Variants in NSUN3 observed in about 807,000 individuals in gnomAD.
The protein encoded by NSUN3 is NOP2/Sun RNA methyltransferase 3.
In NSUN3, 24 loss-of-function variants were observed where a neutral mutation model predicts 36.8. The observed-to-expected ratio is 0.65, with a 90% CI of 0.47 to 0.92. The LOEUF (loss-of-function observed/expected upper bound fraction) is 0.92. NSUN3 is among the 40% of genes least tolerant of loss of function. NSUN3 has a pLI of 0.00. For missense variants in NSUN3, 381 were observed against 392.8 expected (o/e 0.97, Z 0.25); for synonymous variants, 146 against 145.2 (o/e 1.01, Z -0.04).
chr3:94,089,767 A>C (rs1350619353), intron 3 of NSUN3, among the ~76,000 whole-genome samples: 2 of 152,212 alleles, frequency 1.3e-5, no homozygotes, highest in Non-Finnish European at 2.9e-5. Flanking sequence ...GTCTCTTCCA[A>C]GTGAACTGTC....
Position 94,064,621 on chromosome 3 carries a change from G to C in NSUN3, c.122+75G>C, listed in dbSNP as rs1291843548. 5 of 913,472 alleles carry C rather than the reference G, an allele frequency of 5.5e-6. No homozygotes were observed. In the African/African-American group the frequency reaches 8.3e-5, roughly 15 times the overall value. The allele number at this position is 913,472 out of a possible 1,614,324, so 56.6% of individuals were successfully genotyped here. ...TAGTCCTCCTTTTTGTGGGAGGGATGCTGTGAGGTTAAAAGGCAAAGGAAT... is the reference window on the plus strand; with the variant it reads ...TAGTCCTCCTTTTTGTGGGAGGGATCCTGTGAGGTTAAAAGGCAAAGGAAT... On this transcript the variant is annotated intron_variant, in intron 2 of 5. Transcript: ENST00000314622.
chr3:94,111,482 T>C (rs562028755), intron 5 of NSUN3, among the ~76,000 whole-genome samples: 2 of 152,222 alleles, frequency 1.3e-5, no homozygotes, highest in African/African-American at 2.4e-5. Flanking sequence ...CTTTTTGACA[T>C]TTCTAATACT....
chr3:94,094,737 T>A (rs563881674), intron 4 of NSUN3, among the ~76,000 whole-genome samples: 25 of 152,204 alleles, frequency 1.6e-4, no homozygotes, highest in African/African-American at 5.8e-4. Context: ...TTTGTAAAAA[T>A]TTTTGCTGTG....
Position 94,084,143 on chromosome 3 carries a change from T to C in NSUN3, c.159T>C (p.Ala53=). Residue 53 remains alanine (A), a synonymous_variant, in exon 3 of 6, where the codon GCT becomes GCC. Coordinates refer to ENST00000314622, the MANE Select transcript of NSUN3 (RefSeq NM_022072.5). ...CATCTCCATCATGCTGGCAATATGC[T>C]GTCCTGCTTAACCGATTCAATTATC... is the stretch of plus-strand genomic sequence containing the variant. The part of the protein sequence containing the change: ...ILTSPSCWQY[A]VLLNRFNYPF... 13 of 1,614,152 alleles carry C rather than the reference T, an allele frequency of 8.1e-6. No individual in the cohort carries two copies. The highest frequency in any genetic ancestry group is 1.1e-5 in the Non-Finnish European group (13 of 1,180,004).
At chr3:94,082,605 C>T (rs1376135711) in intron 2 of NSUN3, among the ~76,000 whole-genome samples, 1 of 152,184 alleles carries the variant, frequency 6.6e-6, no homozygotes, top group Non-Finnish European at 1.5e-5. Flanking sequence ...ACATAGGCAA[C>T]TCCAGGGTGT....
chr3:94,074,619 A>C (rs998039852), intron 2 of NSUN3, among the ~76,000 whole-genome samples: 1 of 152,000 alleles, frequency 6.6e-6, no homozygotes, highest in Non-Finnish European at 1.5e-5. Flanking sequence ...TGTTATTGGT[A>C]TATAGGAATG....
intron 5 of NSUN3, among the ~76,000 whole-genome samples, chr3:94,096,563 A>C (rs1372356318): frequency 6.6e-6 from 1 of 151,972 alleles, no homozygotes; most frequent in East Asian, 1.9e-4. Context: ...CAGTGGTGTG[A>C]TCCCCGCTCA....
chr3:94,094,688 T>C (rs1054825912), intron 4 of NSUN3, among the ~76,000 whole-genome samples: 2 of 152,180 alleles, frequency 1.3e-5, no homozygotes, highest in Non-Finnish European at 2.9e-5. Context: ...GTGCTGAGAA[T>C]TCAGAAATAT....
In NSUN3 at chr3:94,084,534, C is replaced by T. The variant is rs539752240; in HGVS notation, c.466+84C>T. The T allele has an allele frequency of 1.9e-4, 201 of 1,049,252 alleles. No homozygotes were observed. In the African/African-American group the frequency reaches 2.7e-3, roughly 14 times the overall value. The allele number at this position is 1,049,252 out of a possible 1,614,324, so 65.0% of individuals were successfully genotyped here. On this transcript the variant is annotated intron_variant, in intron 3 of 5. Transcript: ENST00000314622. ...TTCTGAAAGTATATATGGGGAGAAA[C>T]GTAAGACTGAGTTTGCAAACTCAGG...
At chr3:94,107,693 T>G (rs1228444207) in intron 5 of NSUN3, among the ~76,000 whole-genome samples, 1 of 152,148 alleles carries the variant, frequency 6.6e-6, no homozygotes, top group Non-Finnish European at 1.5e-5. Flanking sequence ...AGAAAGGCAG[T>G]GTAAGGGACA....
chr3:94,094,704 A>C (rs2077330213), intron 4 of NSUN3, among the ~76,000 whole-genome samples: 1 of 152,198 alleles, frequency 6.6e-6, no homozygotes, highest in African/African-American at 2.4e-5. Flanking sequence ...AATATTATTA[A>C]TGTCTGATTA....
At chr3:94,066,056 TAA>T (rs1206932203) in intron 2 of NSUN3, among the ~76,000 whole-genome samples, 2 of 143,204 alleles carry the variant, frequency 1.4e-5, no homozygotes, top group African/African-American at 2.5e-5. Context: ...GGATGTGATT[TAA>T]AAAAAAAAAA....
At chr3:94,108,140 C>T (rs568334563) in intron 5 of NSUN3, among the ~76,000 whole-genome samples, 2 of 151,780 alleles carry the variant, frequency 1.3e-5, no homozygotes, top group Non-Finnish European at 2.9e-5. Context: ...AAGAATAGTA[C>T]AAGGAGCTCC....
intron 2 of NSUN3, among the ~76,000 whole-genome samples, chr3:94,069,778 T>G (rs926095257): frequency 6.6e-6 from 1 of 152,210 alleles, no homozygotes; most frequent in African/African-American, 2.4e-5. Flanking sequence ...ACTCCAATTT[T>G]ATTCATTTAC....
intron 3 of NSUN3, among the ~76,000 whole-genome samples, chr3:94,089,352 C>G (rs1166986883): frequency 6.6e-6 from 1 of 152,066 alleles, no homozygotes; most frequent in Admixed American, 6.5e-5. Context: ...TTTCCTGATG[C>G]TCCACAGTTG....
At chr3:94,105,538 T>C (rs1054953086) in intron 5 of NSUN3, among the ~76,000 whole-genome samples, 4 of 152,124 alleles carry the variant, frequency 2.6e-5, no homozygotes, top group Non-Finnish European at 5.9e-5. Context: ...CTCCAAAGAT[T>C]TATTTAGGAC....
chr3:94,081,153 G>A (rs529148537), intron 2 of NSUN3, among the ~76,000 whole-genome samples: 49 of 152,142 alleles, frequency 3.2e-4, no homozygotes, highest in Non-Finnish European at 6.9e-4. Flanking sequence ...CTTCCCTTGG[G>A]TAGGGGAGAA....
intron 5 of NSUN3, among the ~76,000 whole-genome samples, chr3:94,102,890 T>G (rs2077371734): frequency 6.6e-6 from 1 of 152,062 alleles, no homozygotes; most frequent in Admixed American, 6.5e-5. Flanking sequence ...ATTTATTTAT[T>G]TATTTATTTA....
chr3:94,088,385 T>C (rs2077301397), intron 3 of NSUN3, among the ~76,000 whole-genome samples: 1 of 152,182 alleles, frequency 6.6e-6, no homozygotes, highest in South Asian at 2.1e-4. Context: ...TCCTCATATA[T>C]AAATCTTTCT....
Sources: gnomAD v4.1 joint callset for allele counts (sites outside exome capture counted in the v4.1 genomes callset) on GRCh38, gnomAD v4.1.1 for gene constraint, MANE v1.5 for transcripts, NCBI Gene and HGNC (gene_info 2026-07-23, HGNC 2026-07-21) for gene names.